Variants in DNMT1 observed in about 807,000 individuals in gnomAD.
DNMT1 encodes DNA methyltransferase 1.
DNMT1 carries 24 observed loss-of-function variants against 205.3 expected under a neutral mutation model. That is an observed-to-expected ratio of 0.12 (90% CI 0.08 to 0.16). The LOEUF (loss-of-function observed/expected upper bound fraction) is 0.16. Among genes scored for constraint, DNMT1 ranks in the 10% least tolerant of loss-of-function variants. The probability of loss-of-function intolerance (pLI) is 1.00; values close to 1 mark genes in which losing one functional copy is unlikely to be tolerated. For missense variants in DNMT1, 1,293 were observed against 2,177.7 expected, an observed-to-expected ratio of 0.59 and a Z score of 8.09; for synonymous variants, 817 against 839.8, an observed-to-expected ratio of 0.97 and a Z score of 0.47.
In DNMT1 at chr19:10,137,442, C is replaced by T. The variant is rs935622922; in HGVS notation, c.4294-162G>A. ...GGATATCGCACTTGGCTCGAGGCCACGGCAGGGACCTGAGGCAGCGCAGGT... is the reference window on the plus strand; with the variant it reads ...GGATATCGCACTTGGCTCGAGGCCATGGCAGGGACCTGAGGCAGCGCAGGT... On this transcript the variant is annotated intron_variant, in intron 36 of 40. Coordinates refer to ENST00000359526, the MANE Select transcript of DNMT1 (RefSeq NM_001130823.3). The surrounding 1 kb of genome is among the most constrained non-coding windows in gnomAD (Gnocchi z 6.4). The T allele has an allele frequency of 4.8e-5, 41 of 859,090 alleles. No individual in the cohort carries two copies. The highest frequency in any genetic ancestry group is 1.4e-4 in the Admixed American group (6 of 42,756). 53.2% of individuals were successfully genotyped at this position (859,090 alleles called of 1,614,324 possible). A position where few individuals can be genotyped will look rare whatever the true frequency, so the allele number is the denominator to read the frequency against.
intron 29 of DNMT1, 76 bp from the exon 30 acceptor site, chr19:10,142,296 T>C: frequency 6.2e-7 from 1 of 1,604,186 alleles, no homozygotes; most frequent in Non-Finnish European, 8.5e-7. Context: ...ACCATGTTCC[T>C]GGGGTGCTCA....
chr19:10,173,776 G>C, intron 8 of DNMT1, 95 bp downstream of exon 8: 1 of 1,384,078 alleles, frequency 7.2e-7, no homozygotes, highest in Non-Finnish European at 1.0e-6. Context: ...ACAGGCATGA[G>C]TCACCGTGCC....
rs776995776 is a variant in DNMT1, at chr19:10,149,573, C to T, written c.2466G>A (p.Gly822=). ...ACAGCTCCAGAGGGTCCGACGTGGC[C>T]CCGAGGACTGTGTCTGTCCCAGCGC... ...WFCAGTDTVL[G]ATSDPLELFL... is the part of the protein sequence containing the mutation. The change falls in exon 26 of 41, where the codon GGG becomes GGA. Residue 822 remains glycine, a synonymous_variant. Coordinates refer to ENST00000359526, the MANE Select transcript of DNMT1 (RefSeq NM_001130823.3). The T allele has an allele frequency of 3.7e-6, 6 of 1,613,880 alleles. No individual in the cohort carries two copies. In the South Asian group the frequency reaches 5.5e-5, roughly 15 times the overall value.
Position 10,137,293 on chromosome 19 carries a change from G to A in DNMT1, c.4294-13C>T, listed in dbSNP as rs1337257134. On this transcript the variant is annotated splice_polypyrimidine_tract_variant and intron_variant, in intron 36 of 40. Transcript: ENST00000359526. The surrounding 1 kb of genome is among the most constrained non-coding windows in gnomAD (Gnocchi z 6.4). ...ATGCACTCATGTCCTGAAAGAGTGT[G>A]GGGGGCCCAGCTGTCACCTCATGTG... The A allele has an allele frequency of 6.3e-7, 1 of 1,595,792 alleles. No individual in the cohort carries two copies. Among genetic ancestry groups the A allele is most frequent in the Admixed American group, 1.7e-5 (1 of 57,734 alleles).
At chr19:10,152,131 G>A (rs2038355694) in intron 22 of DNMT1, among the ~76,000 whole-genome samples, 1 of 106,768 alleles carries the variant, frequency 9.4e-6, no homozygotes. Flanking sequence ...CCATATTCCA[G>A]CCTGGACGAC....
chr19:10,140,689 AG>A lies in DNMT1; in HGVS notation c.3523+91del. ...GGCCTCGGAAGGAGATTCTTGAGTC[AG>A]GAAGGTGACCGGGGTTGGAAGTCGT... is the stretch of plus-strand genomic sequence containing the variant. On this transcript the variant is annotated intron_variant, in intron 32 of 40. Coordinates refer to ENST00000359526, the MANE Select transcript of DNMT1 (RefSeq NM_001130823.3). The surrounding 1 kb of genome is among the most constrained non-coding windows in gnomAD (Gnocchi z 8.4). 6.2e-7 allele frequency: 1 copy of A among 1,605,978 alleles called. No homozygotes were observed. The highest frequency in any genetic ancestry group is 8.5e-7 in the Non-Finnish European group (1 of 1,174,064).
At chr19:10,193,321 C>G (rs1176810362) in intron 1 of DNMT1, among the ~76,000 whole-genome samples, 3 of 152,078 alleles carry the variant, frequency 2.0e-5, no homozygotes, top group Non-Finnish European at 2.9e-5. Context: ...CCAGGGCACT[C>G]CAGCCTGGAC....
chr19:10,155,785 C>A, intron 19 of DNMT1, 68 bp downstream of exon 19: 1 of 1,511,942 alleles, frequency 6.6e-7, no homozygotes, highest in Non-Finnish European at 9.1e-7. Flanking sequence ...GCCCCGTCAG[C>A]CCCCAGGAAG....
rs2089543393 is a variant in DNMT1 at position 10,138,696 on chromosome 19, CGG to C, written c.3949-93_3949-92del. The C allele has an allele frequency of 6.6e-7, 1 of 1,504,674 alleles. No homozygotes were observed. Among genetic ancestry groups the C allele is most frequent in the African/African-American group, 1.4e-5 (1 of 72,758 alleles). 93.2% of individuals were successfully genotyped at this position (1,504,674 alleles called of 1,614,324 possible). On this transcript the variant is annotated intron_variant, in intron 34 of 40. Transcript: ENST00000359526. This position sits in a 1 kb window ranked among gnomAD's most constrained non-coding sequence, Gnocchi z 4.1. ...CAGGCCCAGGGTCAGCAGCCTGAGT[CGG>C]GAGTGGCTGGCCAATGCGGAGTGCA...
intron 11 of DNMT1, among the ~76,000 whole-genome samples, chr19:10,165,491 C>T (rs2038671915): frequency 6.6e-6 from 1 of 152,174 alleles, no homozygotes; most frequent in Admixed American, 6.5e-5. Context: ...CTCCTGGGTT[C>T]AAGTGATTCT....
In DNMT1 at chr19:10,180,254, G is replaced by A. The variant is rs1245520509; in HGVS notation, c.446-20C>T. On this transcript the variant is annotated intron_variant, in intron 4 of 40. Coordinates refer to ENST00000359526, the MANE Select transcript of DNMT1 (RefSeq NM_001130823.3). Reference sequence around the variant, plus strand: ...TTGAACCTGGGAGGCAGAGGTTACAGTGAGCCGAGGTTACACCACTGTGCT... The same window carrying A: ...TTGAACCTGGGAGGCAGAGGTTACAATGAGCCGAGGTTACACCACTGTGCT... The A allele has an allele frequency of 2.7e-6, 4 of 1,465,848 alleles. No homozygotes were observed. Among genetic ancestry groups the A allele is most frequent in the Admixed American group, 3.6e-5 (2 of 54,896 alleles). 90.8% of individuals were successfully genotyped at this position (1,465,848 alleles called of 1,614,324 possible).
In DNMT1 at chr19:10,194,811, G is replaced by A. The variant is rs901409774; in HGVS notation, c.80+9C>T. ...CCCCTGAGTCCGTGTTCCCCCCCAT[G>A]GTACCTACCGCCTGCGGACATCGTC... On this transcript the variant is annotated intron_variant, in intron 1 of 40. Coordinates refer to ENST00000359526, the MANE Select transcript of DNMT1 (RefSeq NM_001130823.3). The A allele has an allele frequency of 1.2e-6, 2 of 1,611,484 alleles. No individual in the cohort carries two copies. Among genetic ancestry groups the A allele is most frequent in the Admixed American group, 1.7e-5 (1 of 59,900 alleles).
chr19:10,181,126 T>C (rs957762316), intron 2 of DNMT1, among the ~76,000 whole-genome samples: 28 of 152,112 alleles, frequency 1.8e-4, no homozygotes, highest in Non-Finnish European at 1.0e-4. Context: ...AGACATATCA[T>C]GGTTTATAAG....
rs756295929 is a variant in DNMT1 at position 10,159,814 on chromosome 19, G to C, written c.1170+28C>G. The C allele has an allele frequency of 1.9e-6, 3 of 1,614,220 alleles. No individual in the cohort carries two copies. Among genetic ancestry groups the C allele is most frequent in the South Asian group, 2.2e-5 (2 of 91,084 alleles). On this transcript the variant is annotated intron_variant, in intron 16 of 40. Transcript: ENST00000359526. This position sits in a 1 kb window ranked among gnomAD's most constrained non-coding sequence, Gnocchi z 5.0. Reference sequence around the variant, plus strand: ...AGCAGTGGGACAAGGGACAGGCAGAGGAAGGCTGGGAAGAGAGCTGTACGT... The same window carrying C: ...AGCAGTGGGACAAGGGACAGGCAGACGAAGGCTGGGAAGAGAGCTGTACGT...
At chr19:10,169,112 G>A (rs2038754499) in intron 9 of DNMT1, among the ~76,000 whole-genome samples, 1 of 152,198 alleles carries the variant, frequency 6.6e-6, no homozygotes. Flanking sequence ...TTACAGGCGT[G>A]AGCCACCATG....
rs751674187 is a variant in DNMT1, at chr19:10,142,198, T to C, written c.3139A>G (p.Thr1047Ala). The change falls in exon 30 of 41, where the codon ACT becomes GCT. Residue 1047 changes from threonine (T) to alanine (A), a missense_variant. Physicochemically the swap from Thr to Ala is moderately conservative, Grantham distance 58. Transcript: ENST00000359526. The stretch of plus-strand genomic sequence containing the variant: ...ATGTCTGCGTGGTAGCTCGCTGGAG[T>C]GGACTTGTGGGTGTTCTCAGGCCTG... Reference protein sequence around the residue: ...FYRPENTHKSTPASYHADINL... With the variant: ...FYRPENTHKSAPASYHADINL... The C allele has an allele frequency of 1.1e-5, 17 of 1,613,906 alleles. No homozygotes were observed. The highest frequency in any genetic ancestry group is 1.6e-4 in the Middle Eastern group (1 of 6,062).
intron 19 of DNMT1, 150 bp from the exon 20 acceptor site, chr19:10,155,206 T>C (rs565452552): frequency 1.8e-6 from 2 of 1,102,848 alleles, no homozygotes; most frequent in East Asian, 2.5e-5. Flanking sequence ...CAACACATCA[T>C]AGCTGGCTTG....
Position 10,170,787 on chromosome 19 carries a change from G to A in DNMT1, c.768+2303C>T, listed in dbSNP as rs530731669. Among the ~76,000 whole-genome samples the A allele has an allele frequency of 2.0e-5, 3 of 151,792 alleles. No homozygotes were observed. The East Asian group carries it at 5.9e-4, about 30-fold the overall frequency. On this transcript the variant is annotated intron_variant, in intron 9 of 40. Transcript: ENST00000359526. ...CATCTTGGTTTTTTTTTGTTTGTTT[G>A]TTTTGTTTGTTTGTTTGTTTGTTTT...
In DNMT1 at chr19:10,162,657, A is replaced by C. The variant is rs2038595703; in HGVS notation, c.1008+10T>G. On this transcript the variant is annotated intron_variant, in intron 13 of 40. Transcript: ENST00000359526. ...AAAAAAAAAGAAAGAAAGAAAAGTG[A>C]GACCTTTACCTTTTCATCCTCGTCT... The C allele has an allele frequency of 1.3e-6, 2 of 1,515,562 alleles. No individual in the cohort carries two copies. The highest frequency in any genetic ancestry group is 1.8e-6 in the Non-Finnish European group (2 of 1,095,286). The allele number at this position is 1,515,562 out of a possible 1,614,324, so 93.9% of individuals were successfully genotyped here. A position where few individuals can be genotyped will look rare whatever the true frequency, so the allele number is the denominator to read the frequency against.
Sources: allele counts gnomAD v4.1 joint callset (sites outside exome capture counted in the v4.1 genomes callset), GRCh38; gene constraint gnomAD v4.1.1; non-coding constraint Gnocchi (gnomAD v3.1); transcripts MANE v1.5; gene names NCBI Gene and HGNC (gene_info 2026-07-23, HGNC 2026-07-21).